The following TEX11 variants were observed in gnomAD, a reference collection of about 807,000 sequenced individuals.
TEX11 encodes testis-expressed protein 11.
A neutral mutation model predicts 84.4 loss-of-function variants in TEX11; 7 were observed. The observed-to-expected ratio is 0.08, with a 90% CI of 0.05 to 0.16. The LOEUF (loss-of-function observed/expected upper bound fraction) is 0.16, where lower values mean the gene tolerates loss of function less well. Ranked by LOEUF, TEX11 falls within the 10% of genes least tolerant of loss-of-function variation. The pLI is 1.00. For synonymous variants in TEX11, 264 were observed against 222.8 expected (o/e 1.18, Z -1.64); for missense variants, 551 against 660.5 (o/e 0.83, Z 1.82).
chrX:70,541,525 C>A (rs999911769), intron 28 of TEX11, among the ~76,000 whole-genome samples: 7 of 111,612 alleles, frequency 6.3e-5, no homozygotes, highest in Admixed American at 1.9e-4. Context: ...GAGGCCAAGG[C>A]GAGCAGATCA....
At chrX:70,703,695 TA>T (rs1429416628) in intron 13 of TEX11, among the ~76,000 whole-genome samples, 1 of 111,906 alleles carries the variant, frequency 8.9e-6, no homozygotes, top group African/African-American at 3.2e-5. Flanking sequence ...GGTGATCTAC[TA>T]CAGCTATCTC....
chrX:70,865,458 C>A (rs1267049428), intron 4 of TEX11, among the ~76,000 whole-genome samples: 1 of 111,248 alleles, frequency 9.0e-6, no homozygotes, highest in African/African-American at 3.3e-5. Context: ...GATTTTAACA[C>A]CCCACTGTCA....
intron 8 of TEX11, among the ~76,000 whole-genome samples, chrX:70,810,272 AC>A (rs1404481097): frequency 8.9e-6 from 1 of 112,070 alleles, no homozygotes; most frequent in African/African-American, 3.2e-5. Flanking sequence ...ATACTATTTG[AC>A]CCAGCAATCC....
intron 25 of TEX11, among the ~76,000 whole-genome samples, chrX:70,573,715 T>C (rs1425271820): frequency 8.9e-6 from 1 of 112,086 alleles, no homozygotes; most frequent in East Asian, 2.8e-4. Context: ...ACAAAAAATA[T>C]TTCTATTTCT....
At chrX:70,661,212 C>T (rs1193434943) in intron 16 of TEX11, among the ~76,000 whole-genome samples, 1 of 112,407 alleles carries the variant, frequency 8.9e-6, no homozygotes, top group African/African-American at 3.2e-5. Context: ...TAGCAAACGG[C>T]ACACCAGGAG....
At chrX:70,751,027 T>C (rs1160434647) in intron 9 of TEX11, among the ~76,000 whole-genome samples, 65 of 97,362 alleles carry the variant, frequency 6.7e-4, no homozygotes, top group Non-Finnish European at 1.1e-3. Context: ...TTTTATACTG[T>C]TGGTGGGACT....
chrX:70,684,534 C>T (rs903251208), intron 13 of TEX11, among the ~76,000 whole-genome samples: 2 of 111,725 alleles, frequency 1.8e-5, no homozygotes, highest in Non-Finnish European at 3.8e-5. Flanking sequence ...TGCAGTGAGC[C>T]GAGATCTCCA....
chrX:70,562,899 CAT>C (rs1603068249), intron 25 of TEX11, among the ~76,000 whole-genome samples: 3 of 112,305 alleles, frequency 2.7e-5, no homozygotes, highest in African/African-American at 9.7e-5. Context: ...TCCAGGATAT[CAT>C]ATAAATGGAA....
chrX:70,887,518 T>C lies in TEX11; in HGVS notation c.38-7409A>G, dbSNP rs145120150. ...AAAAGGAGGGAAGAGTGGGAAGGACTTTGTCTGGGGGTTTCAACACCAGCT... is the reference window on the plus strand; with the variant it reads ...AAAAGGAGGGAAGAGTGGGAAGGACCTTGTCTGGGGGTTTCAACACCAGCT... On this transcript the variant is annotated intron_variant, in intron 2 of 29. Transcript: ENST00000374333. Among the ~76,000 whole-genome samples, 103 of 111,893 alleles carry C rather than the reference T, an allele frequency of 9.2e-4. 2 individuals are homozygous for C. The East Asian group carries it at 0.028, about 31-fold the overall frequency.
At chrX:70,763,470 T>C (rs1008272062) in intron 9 of TEX11, among the ~76,000 whole-genome samples, 2 of 110,314 alleles carry the variant, frequency 1.8e-5, no homozygotes, top group Admixed American at 9.7e-5. Flanking sequence ...GGCTTAGGGA[T>C]AAAAAATTAC....
intron 7 of TEX11, among the ~76,000 whole-genome samples, chrX:70,846,739 C>T (rs1182651698): frequency 1.8e-5 from 2 of 111,688 alleles, no homozygotes; most frequent in African/African-American, 6.5e-5. Flanking sequence ...GCCTGGCCAA[C>T]ATGGCGAAAC....
At position 70,809,006 on chromosome X, in the gene TEX11, G is replaced by A. The variant is rs143884822; in HGVS notation, c.607-2216C>T. Reference sequence around the variant, plus strand: ...GTAAAATCAGAAAAAGAAAGACACAGGATTCAAGAAACAGGGTTACAATCT... The same window carrying A: ...GTAAAATCAGAAAAAGAAAGACACAAGATTCAAGAAACAGGGTTACAATCT... On this transcript the variant is annotated intron_variant, in intron 8 of 29. Coordinates refer to ENST00000374333, the MANE Select transcript of TEX11 (RefSeq NM_031276.3). 9.2e-3 allele frequency among the ~76,000 whole-genome samples: 1,031 copies of A among 111,696 alleles called. 8 individuals are homozygous for A. Among genetic ancestry groups the A allele is most frequent in the African/African-American group, 0.031 (966 of 30,794 alleles).
intron 9 of TEX11, among the ~76,000 whole-genome samples, chrX:70,784,684 G>C (rs777224249): frequency 4.6e-5 from 5 of 108,189 alleles, no homozygotes; most frequent in Non-Finnish European, 7.8e-5. Context: ...TATACACCAA[G>C]TACAAACAGA....
intron 4 of TEX11, among the ~76,000 whole-genome samples, chrX:70,864,100 A>G (rs1467612985): frequency 8.9e-6 from 1 of 111,778 alleles, no homozygotes. Context: ...GACCAAACGT[A>G]TGATTGATTG....
chrX:70,729,210 GA>G (rs915822002), intron 11 of TEX11, among the ~76,000 whole-genome samples: 1 of 109,366 alleles, frequency 9.1e-6, no homozygotes, highest in African/African-American at 3.3e-5. Context: ...CAAAGATGGG[GA>G]AAAAACAGAG....
rs182713170 is a variant in TEX11, at chrX:70,606,639, C to T, written c.1950+320G>A. 3.1e-3 allele frequency among the ~76,000 whole-genome samples: 350 copies of T among 111,540 alleles called. 1 individual carries two copies. The highest frequency in any genetic ancestry group is 0.011 in the African/African-American group (332 of 30,815). ...ATTAACAACTACTTAGAGTATTCCC[C>T]TCCTAAAGATATTTACATTTTAATA... On this transcript the variant is annotated intron_variant, in intron 23 of 29. Coordinates refer to ENST00000374333, the MANE Select transcript of TEX11 (RefSeq NM_031276.3).
chrX:70,749,907 G>A (rs1055135535), intron 9 of TEX11, among the ~76,000 whole-genome samples: 1 of 110,393 alleles, frequency 9.1e-6, no homozygotes, highest in African/African-American at 3.3e-5. Flanking sequence ...TCTCTGCCTG[G>A]CTTTGGTATC....
chrX:70,679,676 C>T (rs938205176), intron 14 of TEX11, among the ~76,000 whole-genome samples: 18 of 107,903 alleles, frequency 1.7e-4, no homozygotes, highest in African/African-American at 5.4e-4. Flanking sequence ...GCAGCCACCC[C>T]GTCTGGGAAG....
At chrX:70,805,822 G>C (rs898201644) in intron 9 of TEX11, among the ~76,000 whole-genome samples, 3 of 112,151 alleles carry the variant, frequency 2.7e-5, no homozygotes, top group African/African-American at 9.7e-5. Context: ...GTCAGAATCT[G>C]TGCTGGGCCT....
Sources: allele counts gnomAD v4.1 joint callset (sites outside exome capture counted in the v4.1 genomes callset), GRCh38; gene constraint gnomAD v4.1.1; transcripts MANE v1.5; gene names NCBI Gene and HGNC (gene_info 2026-07-23, HGNC 2026-07-21).